Variants in CUX1 observed in about 807,000 individuals in gnomAD.
CUX1 encodes the protein cut like homeobox 1, also known as protein CASP.
A neutral mutation model predicts 158.8 loss-of-function variants in CUX1; 31 were observed. The ratio of observed to expected loss-of-function variants is 0.20; its 90% CI spans 0.15 to 0.26. The LOEUF (loss-of-function observed/expected upper bound fraction) is 0.26. Ranked by LOEUF, CUX1 falls within the 10% of genes least tolerant of loss-of-function variation. CUX1 has a pLI of 1.00. For missense variants in CUX1, 1,589 were observed against 2,014.6 expected (o/e 0.79, Z 4.04); for synonymous variants, 879 against 862.1 (o/e 1.02, Z -0.34).
intron 1 of CUX1, among the ~76,000 whole-genome samples, chr7:101,821,854 T>TG (rs1395683477): frequency 6.5e-5 from 9 of 139,194 alleles, no homozygotes; most frequent in African/African-American, 1.1e-4. Context: ...TTTTTGTTTT[T>TG]TTGTTTTTTT....
At position 102,249,076 on chromosome 7, in the gene CUX1, G is replaced by A; in HGVS notation, c.*34G>A. ...GGCCCTGGGGCGGGCAGCCAGGCTG[G>A]GCCGCAAGGGCCTGGACGGGGTCGG... On this transcript the variant is annotated 3_prime_UTR_variant, in exon 24 of 24. Transcript: ENST00000292535. 1 of 1,252,266 alleles carries A rather than the reference G, an allele frequency of 8.0e-7. No homozygotes were observed. Among genetic ancestry groups the A allele is most frequent in the South Asian group, 2.5e-5 (1 of 39,552 alleles). 77.6% of individuals were successfully genotyped at this position (1,252,266 alleles called of 1,614,324 possible). A position where few individuals can be genotyped will look rare whatever the true frequency, so the allele number is the denominator to read the frequency against.
At chr7:102,044,770 C>T (rs964652386) in intron 3 of CUX1, among the ~76,000 whole-genome samples, 2 of 151,992 alleles carry the variant, frequency 1.3e-5, no homozygotes, top group African/African-American at 4.8e-5. Flanking sequence ...AGGTCAGTGC[C>T]CTGCTGGGAG....
chr7:102,059,081 T>C (rs1227335954), intron 3 of CUX1, among the ~76,000 whole-genome samples: 1 of 152,200 alleles, frequency 6.6e-6, no homozygotes, highest in Non-Finnish European at 1.5e-5. Context: ...TCATGCTGGT[T>C]TTGCACTGTG....
chr7:102,209,319 G>A (rs1250873950), intron 20 of CUX1, among the ~76,000 whole-genome samples: 6 of 152,148 alleles, frequency 3.9e-5, no homozygotes, highest in Non-Finnish European at 8.8e-5. Context: ...GTTCCTCTAA[G>A]AATCCGAGCA....
At chr7:102,109,796 A>AG (rs1431787547) in intron 6 of CUX1, among the ~76,000 whole-genome samples, 1 of 151,898 alleles carries the variant, frequency 6.6e-6, no homozygotes, top group Non-Finnish European at 1.5e-5. Context: ...AAAAAAAAAA[A>AG]GAAAAAAGAA....
chr7:102,071,849 G>A (rs1392751535), intron 4 of CUX1, among the ~76,000 whole-genome samples: 2 of 152,194 alleles, frequency 1.3e-5, no homozygotes, highest in African/African-American at 4.8e-5. Context: ...GTTCTCATCT[G>A]TAAAATGGAA....
At chr7:101,867,518 G>T (rs915200168) in intron 1 of CUX1, among the ~76,000 whole-genome samples, 1 of 152,194 alleles carries the variant, frequency 6.6e-6, no homozygotes, top group Non-Finnish European at 1.5e-5. Flanking sequence ...GCTTCAACCA[G>T]GTCACCGTGG....
chr7:101,988,998 AAAAAATAATAAT>A (rs1008275927), intron 2 of CUX1, among the ~76,000 whole-genome samples: 3 of 146,084 alleles, frequency 2.1e-5, no homozygotes, highest in Admixed American at 6.9e-5. Context: ...TGTCTCAAAA[AAAAAATAATAAT>A]AATAATAATA....
chr7:101,816,800 C>A (rs1237583716), upstream of CUX1: 3 of 190,116 alleles, frequency 1.6e-5, no homozygotes, highest in Non-Finnish European at 2.7e-5. Context: ...GCCAGGCGGG[C>A]GGGTGGCCGG....
chr7:101,835,900 TG>T (rs1341805083), intron 1 of CUX1, among the ~76,000 whole-genome samples: 1 of 152,216 alleles, frequency 6.6e-6, no homozygotes, highest in Non-Finnish European at 1.5e-5. Flanking sequence ...GGCTAATTTT[TG>T]TATTTTTAGT....
chr7:102,046,296 G>A (rs1337991773), intron 3 of CUX1, among the ~76,000 whole-genome samples: 5 of 152,068 alleles, frequency 3.3e-5, no homozygotes, highest in African/African-American at 1.2e-4. Context: ...GTAGGGATGC[G>A]ATTGCAGCTC....
rs782568993 is a variant in CUX1, at chr7:102,239,558, C to T, written c.3861C>T (p.Thr1287=). The T allele has an allele frequency of 1.2e-6, 2 of 1,613,778 alleles. No individual in the cohort carries two copies. The highest frequency in any genetic ancestry group is 2.2e-5 in the East Asian group (1 of 44,860). ...LATQLNLKTS[T]VINWFHNYRS... is the part of the protein sequence containing the mutation. ...CCCAGCTCAACCTGAAAACCAGCACCGTCATCAACTGGTTCCACAACTACA... is the reference window on the plus strand; with the variant it reads ...CCCAGCTCAACCTGAAAACCAGCACTGTCATCAACTGGTTCCACAACTACA... Residue 1287 remains threonine, a synonymous_variant, in exon 23 of 24, where the codon ACC becomes ACT. Coordinates refer to ENST00000292535, the MANE Select transcript of CUX1 (RefSeq NM_181552.4).
chr7:102,160,269 C>T (rs1554506661), intron 9 of CUX1, among the ~76,000 whole-genome samples: 1 of 152,142 alleles, frequency 6.6e-6, no homozygotes, highest in African/African-American at 2.4e-5. Flanking sequence ...CACCTCTCTC[C>T]TCAAGGCCAG....
chr7:102,028,622 G>A (rs1285521762), intron 3 of CUX1, among the ~76,000 whole-genome samples: 2 of 152,210 alleles, frequency 1.3e-5, no homozygotes, highest in South Asian at 4.1e-4. Flanking sequence ...CGAGGAGCAA[G>A]CCTAGGCTCA....
chr7:101,981,282 G>A (rs1344555280), intron 2 of CUX1, among the ~76,000 whole-genome samples: 4 of 152,072 alleles, frequency 2.6e-5, no homozygotes, highest in Admixed American at 2.0e-4. Context: ...GTATGTGTTT[G>A]TTTCTTACTT....
At chr7:101,901,300 T>G (rs78347987) in intron 1 of CUX1, among the ~76,000 whole-genome samples, 3,613 of 152,054 alleles carry the variant, frequency 0.024, 165 homozygotes, top group African/African-American at 0.083. Context: ...AAATCTGTTT[T>G]TATTTGTTTT....
chr7:101,904,568 AT>A (rs34284019), intron 1 of CUX1, among the ~76,000 whole-genome samples: 30,067 of 139,176 alleles, frequency 0.22, 4,510 homozygotes, highest in East Asian at 0.83. Context: ...CATTTTGAGA[AT>A]TTTTTTTTTT....
rs188822690 is a variant in CUX1, at chr7:102,060,479, C to T, written c.190-9860C>T. On this transcript the variant is annotated intron_variant, in intron 3 of 23. Coordinates refer to ENST00000292535, the MANE Select transcript of CUX1 (RefSeq NM_181552.4). ...AGATACTTAATGTAGGAGGTTCCCA[C>T]ATTTATAATCACAACAGCTCAACAA... 3.9e-4 allele frequency among the ~76,000 whole-genome samples: 59 copies of T among 152,068 alleles called. 1 individual carries two copies. Among genetic ancestry groups the T allele is most frequent in the African/African-American group, 1.3e-3 (56 of 41,490 alleles).
intron 8 of CUX1, among the ~76,000 whole-genome samples, chr7:102,140,752 C>T (rs1006967973): frequency 6.6e-6 from 1 of 151,676 alleles, no homozygotes; most frequent in African/African-American, 2.4e-5. Context: ...GTAATCCCAG[C>T]TATTGGGGAG....
Sources: allele counts gnomAD v4.1 joint callset (sites outside exome capture counted in the v4.1 genomes callset), GRCh38; gene constraint gnomAD v4.1.1; transcripts MANE v1.5; gene names NCBI Gene and HGNC (gene_info 2026-07-23, HGNC 2026-07-21).